The following CTNNA2 variants were observed in gnomAD, a reference collection of about 807,000 sequenced individuals.
The protein encoded by CTNNA2 is catenin alpha-2.
CTNNA2 carries 42 observed loss-of-function variants against 101.0 expected under a neutral mutation model. The observed-to-expected ratio is 0.42, with a 90% CI of 0.32 to 0.54. The LOEUF (loss-of-function observed/expected upper bound fraction) is 0.54, where lower values mean the gene tolerates loss of function less well. CTNNA2 is among the 20% of genes least tolerant of loss of function. The probability of loss-of-function intolerance (pLI) is 0.14; values close to 1 mark genes in which losing one functional copy is unlikely to be tolerated. For synonymous variants in CTNNA2, 450 were observed against 456.4 expected, an observed-to-expected ratio of 0.99 and a Z score of 0.18; for missense variants, 871 against 1,223.1, an observed-to-expected ratio of 0.71 and a Z score of 4.29.
At chr2:80,046,850 T>C (rs1241083353) in intron 7 of CTNNA2, among the ~76,000 whole-genome samples, 1 of 152,248 alleles carries the variant, frequency 6.6e-6, no homozygotes, top group East Asian at 1.9e-4. Flanking sequence ...CACCATTTTA[T>C]AAGGAAGCTG....
intron 9 of CTNNA2, among the ~76,000 whole-genome samples, chr2:80,473,497 C>T (rs1685477662): frequency 6.6e-6 from 1 of 152,088 alleles, no homozygotes. Flanking sequence ...TATACAACCT[C>T]TGTAATATGT....
At chr2:80,087,338 T>G (rs943923207) in intron 7 of CTNNA2, among the ~76,000 whole-genome samples, 1 of 152,086 alleles carries the variant, frequency 6.6e-6, no homozygotes, top group Admixed American at 6.6e-5. Flanking sequence ...TATTATATAC[T>G]GAGAAAACAG....
chr2:79,764,608 A>G (rs1673013436), intron 3 of CTNNA2, among the ~76,000 whole-genome samples: 1 of 152,210 alleles, frequency 6.6e-6, no homozygotes, highest in Non-Finnish European at 1.5e-5. Context: ...GCATTCCTTG[A>G]TAAGTTTGAG....
At chr2:79,279,544 A>G (rs1307694921) in intron 2 of CTNNA2, among the ~76,000 whole-genome samples, 2 of 152,140 alleles carry the variant, frequency 1.3e-5, no homozygotes, top group Non-Finnish European at 2.9e-5. Context: ...CCATGACCAC[A>G]ACAGAAAAGT....
intron 4 of CTNNA2, among the ~76,000 whole-genome samples, chr2:79,378,613 A>C (rs1194347147): frequency 1.3e-5 from 2 of 152,152 alleles, no homozygotes; most frequent in African/African-American, 2.4e-5. Flanking sequence ...ATGTAGTTTG[A>C]GAGTTTCCAT....
intron 9 of CTNNA2, among the ~76,000 whole-genome samples, chr2:80,490,496 T>A (rs1220587115): frequency 6.6e-6 from 1 of 152,136 alleles, no homozygotes; most frequent in Non-Finnish European, 1.5e-5. Context: ...AAAATACTAC[T>A]CTTTAGATTT....
intron 18 of CTNNA2, among the ~76,000 whole-genome samples, chr2:80,623,973 A>T (rs1671408980): frequency 7.1e-6 from 1 of 140,292 alleles, no homozygotes; most frequent in Non-Finnish European, 1.6e-5. Context: ...AGAACTAAGA[A>T]AGATGGTTAT....
intron 4 of CTNNA2, among the ~76,000 whole-genome samples, chr2:79,503,623 A>G (rs902907842): frequency 1.3e-5 from 2 of 152,172 alleles, no homozygotes; most frequent in African/African-American, 4.8e-5. Context: ...ATGTTTCCAT[A>G]CACTATGTAG....
chr2:79,232,632 C>G (rs79053059), intron 2 of CTNNA2, among the ~76,000 whole-genome samples: 1 of 152,176 alleles, frequency 6.6e-6, no homozygotes, highest in African/African-American at 2.4e-5. Flanking sequence ...CTTCTTTGTA[C>G]ATCTGGTAGA....
chr2:80,495,381 T>G (rs566873050), intron 9 of CTNNA2, among the ~76,000 whole-genome samples: 2 of 152,298 alleles, frequency 1.3e-5, no homozygotes, highest in East Asian at 3.9e-4. Context: ...TAAACTCTCT[T>G]CTGTCTCTTA....
At chr2:79,570,370 A>C (rs930179024) in intron 1 of CTNNA2, among the ~76,000 whole-genome samples, 2 of 152,084 alleles carry the variant, frequency 1.3e-5, no homozygotes, top group East Asian at 3.9e-4. Context: ...TTTTTTCTTT[A>C]AACATTTCTG....
intron 9 of CTNNA2, among the ~76,000 whole-genome samples, chr2:80,518,820 C>T (rs927807573): frequency 1.3e-5 from 2 of 151,944 alleles, no homozygotes; most frequent in Non-Finnish European, 2.9e-5. Context: ...ACTCTATAGC[C>T]CATTATTTGC....
At chr2:79,698,167 GAGTT>G (rs759488651) in intron 2 of CTNNA2, among the ~76,000 whole-genome samples, 1 of 151,900 alleles carries the variant, frequency 6.6e-6, no homozygotes, top group Non-Finnish European at 1.5e-5. Context: ...TTTTACATGG[GAGTT>G]AGTTTGGATA....
intron 2 of CTNNA2, among the ~76,000 whole-genome samples, chr2:79,668,849 A>G (rs1392822128): frequency 6.6e-6 from 1 of 152,218 alleles, no homozygotes; most frequent in Admixed American, 6.5e-5. Flanking sequence ...AATACTCTAT[A>G]TTGTGTGATC....
At chr2:79,841,830 G>A (rs1679840103) in intron 3 of CTNNA2, among the ~76,000 whole-genome samples, 1 of 152,168 alleles carries the variant, frequency 6.6e-6, no homozygotes, top group Non-Finnish European at 1.5e-5. Flanking sequence ...GCTACCTTCA[G>A]GCTAAGGAAG....
In CTNNA2 at chr2:80,147,292, G is replaced by A. The variant is rs969081887; in HGVS notation, c.1056+237495G>A. On this transcript the variant is annotated intron_variant, in intron 7 of 18. Coordinates refer to ENST00000402739, the MANE Select transcript of CTNNA2 (RefSeq NM_001282597.3). The stretch of plus-strand genomic sequence containing the variant: ...AATTTTTGTATTTTTCGTACAGTTG[G>A]GGTTTCACCATGTTAGCCAGGCTGG... 2.6e-5 allele frequency among the ~76,000 whole-genome samples: 4 copies of A among 151,958 alleles called. 1 individual carries two copies. The highest frequency in any genetic ancestry group is 5.9e-5 in the Non-Finnish European group (4 of 67,994).
chr2:80,514,930 G>A (rs1688995787), intron 9 of CTNNA2, among the ~76,000 whole-genome samples: 1 of 152,124 alleles, frequency 6.6e-6, no homozygotes, highest in Non-Finnish European at 1.5e-5. Context: ...TTGGGCCGCA[G>A]GTTTTAGGCT....
At chr2:79,581,149 G>T (rs1676123053) in intron 1 of CTNNA2, among the ~76,000 whole-genome samples, 2 of 152,192 alleles carry the variant, frequency 1.3e-5, no homozygotes. Context: ...TCCCCTTGGA[G>T]CATGTCACTC....
intron 7 of CTNNA2, among the ~76,000 whole-genome samples, chr2:79,997,218 T>G (rs1021553950): frequency 6.6e-6 from 1 of 152,036 alleles, no homozygotes; most frequent in African/African-American, 2.4e-5. Flanking sequence ...ATCCTAGTTG[T>G]TTTTCTAGCT....
Sources: gnomAD v4.1 joint callset for allele counts (sites outside exome capture counted in the v4.1 genomes callset) on GRCh38, gnomAD v4.1.1 for gene constraint, MANE v1.5 for transcripts, NCBI Gene and HGNC (gene_info 2026-07-23, HGNC 2026-07-21) for gene names.